Variants in ATXN1 observed in about 807,000 individuals in gnomAD.
ATXN1 encodes the protein ataxin 1.
ATXN1 carries 8 observed loss-of-function variants against 56.4 expected under a neutral mutation model. That is an observed-to-expected ratio of 0.14 (90% CI 0.08 to 0.26). ATXN1 has a LOEUF of 0.26. Among genes scored for constraint, ATXN1 ranks in the 10% least tolerant of loss-of-function variants. The probability of loss-of-function intolerance (pLI) is 1.00; values close to 1 mark genes in which losing one functional copy is unlikely to be tolerated. For missense variants in ATXN1, 987 were observed against 1,106.5 expected, an observed-to-expected ratio of 0.89 and a Z score of 1.53; for synonymous variants, 514 against 494.6, an observed-to-expected ratio of 1.04 and a Z score of -0.52.
intron 6 of ATXN1, among the ~76,000 whole-genome samples, chr6:16,352,576 C>T (rs915466679): frequency 2.6e-5 from 4 of 152,114 alleles, no homozygotes; most frequent in African/African-American, 9.7e-5. Flanking sequence ...ATGATCACAG[C>T]AAGGGAATTT....
intron 3 of ATXN1, among the ~76,000 whole-genome samples, chr6:16,613,022 T>C (rs1279096158): frequency 1.3e-5 from 2 of 151,714 alleles, no homozygotes; most frequent in Non-Finnish European, 2.9e-5. Flanking sequence ...TCCCAGCACT[T>C]TGGGAGGCCG....
intron 2 of ATXN1, among the ~76,000 whole-genome samples, chr6:16,671,305 CTTTCTTTTTT>C (rs887282261): frequency 1.4e-5 from 1 of 73,510 alleles, no homozygotes; most frequent in Non-Finnish European, 2.5e-5. Flanking sequence ...CTTTTCTTTT[CTTTCTTTTTT>C]TTTTTTTTTG....
At chr6:16,319,078 C>T (rs115222697) in intron 7 of ATXN1, among the ~76,000 whole-genome samples, 120 of 151,916 alleles carry the variant, frequency 7.9e-4, no homozygotes, top group Non-Finnish European at 1.4e-3. Flanking sequence ...ATTAGCTGGG[C>T]GTGGTGGTGT....
At chr6:16,599,481 G>A (rs1051985988) in intron 3 of ATXN1, among the ~76,000 whole-genome samples, 14 of 152,122 alleles carry the variant, frequency 9.2e-5, no homozygotes, top group African/African-American at 2.9e-4. Flanking sequence ...GGGAGGCTGA[G>A]GCGAGCGGAT....
intron 5 of ATXN1, among the ~76,000 whole-genome samples, chr6:16,493,456 T>G (rs1561724672): frequency 6.6e-6 from 1 of 151,974 alleles, no homozygotes; most frequent in Non-Finnish European, 1.5e-5. Flanking sequence ...GTTTTTTTTT[T>G]TTTTTTTTTG....
intron 6 of ATXN1, among the ~76,000 whole-genome samples, chr6:16,477,524 C>T (rs1385924453): frequency 2.0e-5 from 3 of 152,188 alleles, no homozygotes; most frequent in Non-Finnish European, 4.4e-5. Context: ...AGAAGGCTCT[C>T]GTTACACTGG....
intron 2 of ATXN1, among the ~76,000 whole-genome samples, chr6:16,740,511 T>C (rs1219465143): frequency 1.3e-5 from 2 of 152,086 alleles, no homozygotes; most frequent in Non-Finnish European, 2.9e-5. Flanking sequence ...ATTTCAAGAT[T>C]CCATATATGA....
At chr6:16,727,677 C>G (rs1423951552) in intron 2 of ATXN1, among the ~76,000 whole-genome samples, 1 of 152,108 alleles carries the variant, frequency 6.6e-6, no homozygotes, top group African/African-American at 2.4e-5. Context: ...TGACTCTTAG[C>G]TGTTATTAGT....
intron 2 of ATXN1, among the ~76,000 whole-genome samples, chr6:16,658,794 C>T (rs907768855): frequency 1.3e-5 from 2 of 152,206 alleles, no homozygotes. Flanking sequence ...TCATCCTCAT[C>T]TATGTTGAAA....
intron 2 of ATXN1, among the ~76,000 whole-genome samples, chr6:16,673,998 T>A (rs768950846): frequency 5.6e-4 from 85 of 152,250 alleles, no homozygotes; most frequent in Middle Eastern, 6.8e-3. Context: ...AATGTGGTGG[T>A]CTGTGTTCTC....
At chr6:16,710,721 G>A (rs1238761119) in intron 2 of ATXN1, among the ~76,000 whole-genome samples, 1 of 151,868 alleles carries the variant, frequency 6.6e-6, no homozygotes, top group Non-Finnish European at 1.5e-5. Context: ...ACCAGTAGAT[G>A]GGACTACAGG....
rs538165936 is a variant in ATXN1, at chr6:16,591,575, CTTCCT to C, written c.-488-5673_-488-5669del. On this transcript the variant is annotated intron_variant, in intron 3 of 7. Transcript: ENST00000436367. ...TGTCCTCATTCATTCAAGCATTGCT[CTTCCT>C]TTAAGATTCAGCTCGATGTCACTTC... 7.2e-5 allele frequency among the ~76,000 whole-genome samples: 11 copies of C among 152,296 alleles called. No individual in the cohort carries two copies. In the East Asian group the frequency reaches 2.1e-3, roughly 29 times the overall value.
At chr6:16,732,709 T>C (rs1325893357) in intron 2 of ATXN1, among the ~76,000 whole-genome samples, 1 of 152,224 alleles carries the variant, frequency 6.6e-6, no homozygotes. Flanking sequence ...TTGAAAAATA[T>C]TAAGCAACCA....
At chr6:16,433,937 A>G (rs769414956) in intron 6 of ATXN1, among the ~76,000 whole-genome samples, 4 of 152,232 alleles carry the variant, frequency 2.6e-5, no homozygotes, top group Non-Finnish European at 4.4e-5. Flanking sequence ...TGAAATTGAG[A>G]AACTTACAAC....
At chr6:16,396,984 T>A (rs1333212243) in intron 6 of ATXN1, among the ~76,000 whole-genome samples, 2 of 152,230 alleles carry the variant, frequency 1.3e-5, no homozygotes, top group African/African-American at 4.8e-5. Context: ...TGTAGCAGGC[T>A]GTACCATCTA....
At chr6:16,385,737 A>G (rs1758227293) in intron 6 of ATXN1, among the ~76,000 whole-genome samples, 2 of 150,362 alleles carry the variant, frequency 1.3e-5, no homozygotes, top group Non-Finnish European at 3.0e-5. Context: ...AACACACAAA[A>G]ATAACTTTCT....
chr6:16,504,282 G>A (rs776841241), intron 5 of ATXN1, among the ~76,000 whole-genome samples: 1 of 152,160 alleles, frequency 6.6e-6, no homozygotes, highest in Non-Finnish European at 1.5e-5. Context: ...TCCTGGGACT[G>A]GTTTGGGCTT....
intron 6 of ATXN1, among the ~76,000 whole-genome samples, chr6:16,412,265 T>A (rs1758815080): frequency 6.6e-6 from 1 of 152,174 alleles, no homozygotes; most frequent in South Asian, 2.1e-4. Flanking sequence ...AACAAGAAAT[T>A]TAGTTTGAAA....
At chr6:16,669,667 C>CTTTT (rs11356086) in intron 2 of ATXN1, among the ~76,000 whole-genome samples, 25 of 113,114 alleles carry the variant, frequency 2.2e-4, no homozygotes, top group Non-Finnish European at 2.7e-4. Context: ...ACTGAACAAT[C>CTTTT]TTTTTTTTTT....
Sources: allele counts gnomAD v4.1 joint callset (sites outside exome capture counted in the v4.1 genomes callset), GRCh38; gene constraint gnomAD v4.1.1; transcripts MANE v1.5; gene names NCBI Gene and HGNC (gene_info 2026-07-23, HGNC 2026-07-21).